DEK: variants seen among roughly 807,000 people sequenced by gnomAD.
DEK encodes protein DEK.
Under a neutral mutation model 46.8 loss-of-function variants are expected in DEK, and 28 were observed. The observed-to-expected ratio is 0.60, with a 90% CI of 0.44 to 0.82. The LOEUF (loss-of-function observed/expected upper bound fraction) is 0.82, where lower values mean the gene tolerates loss of function less well. Among genes scored for constraint, DEK ranks in the 40% least tolerant of loss-of-function variants. The probability of loss-of-function intolerance (pLI) is 0.00; values close to 1 mark genes in which losing one functional copy is unlikely to be tolerated. For missense variants in DEK, 416 were observed against 430.6 expected, an observed-to-expected ratio of 0.97 and a Z score of 0.30; for synonymous variants, 160 against 144.5, an observed-to-expected ratio of 1.11 and a Z score of -0.77.
intron 10 of DEK, 36 bp downstream of exon 10, chr6:18,226,137 AT>A: frequency 8.0e-7 from 1 of 1,248,508 alleles, no homozygotes; most frequent in Non-Finnish European, 1.1e-6. Context: ...TTTGTCTTAT[AT>A]TTCTAAAGTC....
intron 2 of DEK, among the ~76,000 whole-genome samples, chr6:18,259,263 C>T (rs1243426364): frequency 6.6e-6 from 1 of 151,534 alleles, no homozygotes; most frequent in Admixed American, 6.6e-5. Flanking sequence ...GGTGTGGTGG[C>T]TGGTGCCTGT....
intron 8 of DEK, among the ~76,000 whole-genome samples, chr6:18,236,837 A>ATGTT (rs1440727962): frequency 6.6e-6 from 1 of 152,146 alleles, no homozygotes; most frequent in Non-Finnish European, 1.5e-5. Context: ...AAAATCCAAA[A>ATGTT]CCTGAAATGT....
chr6:18,264,040 C>G (rs760618632), intron 1 of DEK, 44 bp from the exon 2 acceptor site: 10 of 1,540,660 alleles, frequency 6.5e-6, no homozygotes, highest in Non-Finnish European at 8.7e-6. Context: ...CTCCTACTCC[C>G]GCAGGCAGGA....
At chr6:18,259,593 C>T (rs902855784) in intron 2 of DEK, among the ~76,000 whole-genome samples, 3 of 151,480 alleles carry the variant, frequency 2.0e-5, no homozygotes, top group African/African-American at 7.3e-5. Flanking sequence ...CAGCTGCACT[C>T]AATACTAAGA....
intron 6 of DEK, 93 bp from the exon 7 acceptor site, chr6:18,249,932 C>G: frequency 6.9e-7 from 1 of 1,444,626 alleles, no homozygotes; most frequent in Non-Finnish European, 9.1e-7. Context: ...TCTTATTCCT[C>G]TCTCAAGAAA....
chr6:18,229,881 C>G (rs1468647921), intron 9 of DEK, among the ~76,000 whole-genome samples: 1 of 152,098 alleles, frequency 6.6e-6, no homozygotes, highest in Non-Finnish European at 1.5e-5. Context: ...CAGAGAACAC[C>G]ACAAAAATAC....
At chr6:18,225,913 G>A (rs141592228) in intron 10 of DEK, 183 bp from the exon 11 acceptor site, 11 of 754,074 alleles carry the variant, frequency 1.5e-5, no homozygotes, top group Middle Eastern at 2.4e-4. Flanking sequence ...ATTTGTGAGA[G>A]CAACGTTGAG....
Position 18,249,826 on chromosome 6 carries a change from G to T in DEK, c.587C>A (p.Ser196Tyr). 6.3e-7 allele frequency: 1 copy of T among 1,593,756 alleles called. No individual in the cohort carries two copies. The highest frequency in any genetic ancestry group is 8.5e-7 in the Non-Finnish European group (1 of 1,174,440). ...ACTGCCTTTGCTACAAGTTTTTTTA[G>T]ATTTCGGCAATGGCTGCATAAAAAT... ...PKPSGKPLPK[S>Y]KKTCSKGSKK... The change falls in exon 7 of 11, where the codon TCT becomes TAT. Residue 196 changes from serine (S) to tyrosine (Y), a missense_variant. Transcript: ENST00000652689.
chr6:18,251,784 C>T (rs1053073016), intron 6 of DEK, among the ~76,000 whole-genome samples: 1 of 152,166 alleles, frequency 6.6e-6, no homozygotes, highest in African/African-American at 2.4e-5. Context: ...ATATCCCTCA[C>T]AATCTCAGCT....
At chr6:18,239,073 C>T (rs1241205908) in intron 7 of DEK, among the ~76,000 whole-genome samples, 2 of 152,012 alleles carry the variant, frequency 1.3e-5, no homozygotes, top group East Asian at 3.9e-4. Context: ...TACAGGCATG[C>T]GCCACCACAC....
intron 9 of DEK, among the ~76,000 whole-genome samples, chr6:18,232,352 G>GAGA (rs1318708626): frequency 6.6e-6 from 1 of 152,190 alleles, no homozygotes; most frequent in Non-Finnish European, 1.5e-5. Context: ...AGTGCTGGAA[G>GAGA]TTCTGGCCAG....
At chr6:18,244,390 T>C in intron 7 of DEK, 2 of 434,902 alleles carry the variant, frequency 4.6e-6, no homozygotes, top group East Asian at 1.5e-4. Context: ...TACAGAAGTT[T>C]CAAAAACGTG....
intron 4 of DEK, among the ~76,000 whole-genome samples, chr6:18,256,976 AAATT>A (rs1791621918): frequency 6.6e-6 from 1 of 152,228 alleles, no homozygotes; most frequent in Non-Finnish European, 1.5e-5. Flanking sequence ...CACTGAAAAT[AAATT>A]ATGTCATGCA....
At chr6:18,225,977 C>G (rs1790106602) in intron 10 of DEK, 197 bp downstream of exon 10, 2 of 716,116 alleles carry the variant, frequency 2.8e-6, no homozygotes, top group South Asian at 4.7e-5. Context: ...GAGTTCAGGT[C>G]TTATCACTAA....
intron 7 of DEK, chr6:18,244,430 T>C (rs1189378110): frequency 4.5e-6 from 3 of 663,530 alleles, no homozygotes; most frequent in Non-Finnish European, 6.8e-6. Flanking sequence ...CTGATAACCA[T>C]GAAGGTACAG....
chr6:18,261,238 T>C (rs376564572), intron 2 of DEK, among the ~76,000 whole-genome samples: 1 of 152,194 alleles, frequency 6.6e-6, no homozygotes, highest in African/African-American at 2.4e-5. Flanking sequence ...TAAAAGGAGA[T>C]AATTTTGGAG....
chr6:18,226,142 T>C lies in DEK; in HGVS notation c.1116+32A>G, dbSNP rs753775325. The C allele has an allele frequency of 1.5e-5, 19 of 1,264,682 alleles. No homozygotes were observed. The South Asian group carries it at 2.8e-4, about 19-fold the overall frequency. 78.3% of individuals were successfully genotyped at this position (1,264,682 alleles called of 1,614,324 possible). On this transcript the variant is annotated intron_variant, in intron 10 of 10. Coordinates refer to ENST00000652689, the MANE Select transcript of DEK (RefSeq NM_003472.4). ...TGTAATTACTTTTGTCTTATATTTC[T>C]AAAGTCAAACTTGAAAGACTGAAAT...
chr6:18,247,718 C>G lies in DEK; in HGVS notation c.762+1933G>C, dbSNP rs73366551. Among the ~76,000 whole-genome samples the G allele has an allele frequency of 1.8e-3, 266 of 151,848 alleles. 2 individuals carry two copies. The highest frequency in any genetic ancestry group is 6.0e-3 in the African/African-American group (249 of 41,400). On this transcript the variant is annotated intron_variant, in intron 7 of 10. Transcript: ENST00000652689. ...GACGGAGTTTCGCTCGTTGCTCAGGCTGGAGAACAATGGTGCGATCTCAGC... is the reference window on the plus strand; with the variant it reads ...GACGGAGTTTCGCTCGTTGCTCAGGGTGGAGAACAATGGTGCGATCTCAGC...
rs1315313732 is a variant in DEK at position 18,236,499 on chromosome 6, C to T, written c.1000G>A (p.Ala334Thr). Residue 334 changes from alanine to threonine, a missense_variant, in exon 9 of 11, where the codon GCC (alanine) becomes ACC (threonine). Physicochemically the swap from Ala to Thr is moderately conservative, Grantham distance 58. Coordinates refer to ENST00000652689, the MANE Select transcript of DEK (RefSeq NM_003472.4). ...ELKETIKKLL[A>T]SANLEEVTMK... The stretch of plus-strand genomic sequence containing the variant: ...GTGACTTCTTCCAAGTTAGCACTGG[C>T]CAGTAATTTCTTTATTGTTTCCTTT... 2 of 1,607,872 alleles carry T rather than the reference C, an allele frequency of 1.2e-6. No homozygotes were observed. The highest frequency in any genetic ancestry group is 1.7e-5 in the Admixed American group (1 of 58,528).
Sources: allele counts gnomAD v4.1 joint callset (sites outside exome capture counted in the v4.1 genomes callset), GRCh38; gene constraint gnomAD v4.1.1; transcripts MANE v1.5; gene names NCBI Gene and HGNC (gene_info 2026-07-23, HGNC 2026-07-21).